The following MED13 variants were observed in gnomAD, a reference collection of about 807,000 sequenced individuals.
The protein encoded by MED13 is mediator of RNA polymerase II transcription subunit 13.
A neutral mutation model predicts 225.2 loss-of-function variants in MED13; 23 were observed. That is an observed-to-expected ratio of 0.10 (90% CI 0.07 to 0.14). The LOEUF (loss-of-function observed/expected upper bound fraction) is 0.14. MED13 is among the 10% of genes least tolerant of loss of function. The pLI, the probability that MED13 is intolerant of heterozygous loss-of-function variation, is 1.00. For missense variants in MED13, 2,197 were observed against 2,594.5 expected (o/e 0.85, Z 3.33); for synonymous variants, 942 against 889.2 (o/e 1.06, Z -1.06).
chr17:62,043,226 A>G (rs1039517311), intron 3 of MED13, among the ~76,000 whole-genome samples: 22 of 151,360 alleles, frequency 1.5e-4, no homozygotes, highest in Non-Finnish European at 2.2e-4. Flanking sequence ...GAAAACCTCA[A>G]CAAGGAGGAA....
rs898138189 is a variant in MED13, at chr17:62,020,682, T to A, written c.1283+8859A>T. ...GCGTGAGTCACTGCACCTGGCCTGC[T>A]TTCTTTTTTTTTTTTTTTTTTTTTA... On this transcript the variant is annotated intron_variant, in intron 8 of 29. Coordinates refer to ENST00000397786, the MANE Select transcript of MED13 (RefSeq NM_005121.3). 2.1e-5 allele frequency among the ~76,000 whole-genome samples: 3 copies of A among 144,892 alleles called. No individual in the cohort carries two copies. In the Admixed American group the frequency reaches 2.1e-4, roughly 10 times the overall value.
chr17:62,024,661 A>T (rs113731111), intron 8 of MED13, among the ~76,000 whole-genome samples: 3 of 152,140 alleles, frequency 2.0e-5, no homozygotes, highest in Non-Finnish European at 4.4e-5. Flanking sequence ...CTAGTATCCA[A>T]TAGTTATTTT....
In MED13 at chr17:62,029,620, A is replaced by G. The variant is rs2080735406; in HGVS notation, c.1204T>C (p.Cys402Arg). 18 of 1,614,110 alleles carry G rather than the reference A, an allele frequency of 1.1e-5. No homozygotes were observed. The highest frequency in any genetic ancestry group is 9.3e-6 in the Non-Finnish European group (11 of 1,179,974). ...ACTTTAGCAGCTGTCGCTTCTTCGC[A>G]TAGACCACCTGATGAAGCAGAATAC... ...RKYSASSGGL[C>R]EEATAAKVAS... The change falls in exon 8 of 30, where the codon TGC becomes CGC. Residue 402 changes from cysteine to arginine, a missense_variant. Cys to Arg is a radical substitution (Grantham distance 180, BLOSUM62 -3). Transcript: ENST00000397786.
intron 3 of MED13, among the ~76,000 whole-genome samples, chr17:62,037,955 C>CAAAAAAAAAAAAAAA (rs397857634): frequency 3.1e-5 from 2 of 64,760 alleles, no homozygotes; most frequent in African/African-American, 9.6e-5. Flanking sequence ...GACTTCATCT[C>CAAAAAAAAAAAAAAA]AAAAAAAAAA....
At chr17:61,971,722 C>A (rs1210611545) in intron 17 of MED13, among the ~76,000 whole-genome samples, 3 of 152,074 alleles carry the variant, frequency 2.0e-5, no homozygotes. Context: ...TCACCTGAGG[C>A]CAGGAGTTTG....
intron 9 of MED13, among the ~76,000 whole-genome samples, chr17:62,003,380 T>C (rs1603400513): frequency 6.6e-6 from 1 of 151,962 alleles, no homozygotes; most frequent in Non-Finnish European, 1.5e-5. Context: ...CTGAGGCAGG[T>C]GGATCACCTG....
At chr17:62,008,125 G>A (rs143726239) in intron 9 of MED13, among the ~76,000 whole-genome samples, 1,802 of 150,708 alleles carry the variant, frequency 0.012, 39 homozygotes, top group African/African-American at 0.041. Context: ...AGACCATCCT[G>A]GCTAACACGG....
intron 23 of MED13, among the ~76,000 whole-genome samples, chr17:61,959,095 C>T (rs2079975071): frequency 6.6e-6 from 1 of 152,078 alleles, no homozygotes; most frequent in African/African-American, 2.4e-5. Context: ...CCTCCGCCTC[C>T]TGGGTTCAAG....
intron 3 of MED13, among the ~76,000 whole-genome samples, chr17:62,044,904 T>C (rs1449188396): frequency 2.0e-5 from 3 of 152,232 alleles, no homozygotes; most frequent in Non-Finnish European, 4.4e-5. Flanking sequence ...TCAAGTGATC[T>C]GCCTGCCTTG....
In MED13 at chr17:61,955,855, T is replaced by TAAAA. The variant is rs61326861; in HGVS notation, c.5624-21_5624-18dup. The TAAAA allele has an allele frequency of 5.5e-4, 448 of 815,040 alleles. 2 individuals are homozygous for TAAAA. In the African/African-American group the frequency reaches 6.5e-3, roughly 12 times the overall value. The allele number at this position is 815,040 out of a possible 1,614,324, so 50.5% of individuals were successfully genotyped here. A position where few individuals can be genotyped will look rare whatever the true frequency, so the allele number is the denominator to read the frequency against. On this transcript the variant is annotated splice_polypyrimidine_tract_variant and intron_variant, in intron 24 of 29. Transcript: ENST00000397786. ...AGCTCCAATCTGTGGGTATCAACAG[T>TAAAA]AAAAAAAAAAAAAAAAAAAAAAAAA...
intron 28 of MED13, among the ~76,000 whole-genome samples, chr17:61,947,598 CA>C (rs1449050842): frequency 6.6e-6 from 1 of 152,126 alleles, no homozygotes; most frequent in African/African-American, 2.4e-5. Context: ...CAGGAATAAG[CA>C]TAAGCAAATA....
At chr17:62,014,290 G>A (rs1440384436) in intron 8 of MED13, among the ~76,000 whole-genome samples, 1 of 143,824 alleles carries the variant, frequency 7.0e-6, no homozygotes, top group Non-Finnish European at 1.5e-5. Context: ...CTATGATGAT[G>A]GGAAGTTCTG....
In MED13 at chr17:62,010,739, G is replaced by A. The variant is rs766817640; in HGVS notation, c.1778C>T (p.Ala593Val). 6.2e-7 allele frequency: 1 copy of A among 1,613,708 alleles called. No homozygotes were observed. Among genetic ancestry groups the A allele is most frequent in the Non-Finnish European group, 8.5e-7 (1 of 1,179,774 alleles). The change falls in exon 9 of 30, where the codon GCT becomes GTT. Residue 593 changes from alanine to valine, a missense_variant. Physicochemically the swap from Ala to Val is moderately conservative, Grantham distance 64 (BLOSUM62 0). Coordinates refer to ENST00000397786, the MANE Select transcript of MED13 (RefSeq NM_005121.3). ...ACCAACATATACTGTAGGTTCTACAGCTTCCTGATATTGAGGTGGGAAAGA... is the reference window on the plus strand; with the variant it reads ...ACCAACATATACTGTAGGTTCTACAACTTCCTGATATTGAGGTGGGAAAGA... ...SQSFPPQYQEAVEPTVYVGTA... is the reference protein window; with the variant it reads ...SQSFPPQYQEVVEPTVYVGTA...
At chr17:61,946,735 A>C in intron 29 of MED13, 135 bp from the exon 30 acceptor site, 5 of 1,188,554 alleles carry the variant, frequency 4.2e-6, no homozygotes, top group Non-Finnish European at 6.0e-6. Flanking sequence ...AGGGGAAAGA[A>C]GCAATTTCCA....
chr17:62,008,039 T>C (rs113030617), intron 9 of MED13, among the ~76,000 whole-genome samples: 20,152 of 117,092 alleles, frequency 0.17, 1,882 homozygotes, highest in East Asian at 0.56. Flanking sequence ...AAAAAAAAGC[T>C]GTGCGCAGTG....
chr17:62,036,278 A>G (rs1449611494), intron 3 of MED13, among the ~76,000 whole-genome samples: 3 of 152,114 alleles, frequency 2.0e-5, no homozygotes, highest in Non-Finnish European at 4.4e-5. Flanking sequence ...CCAACCAATA[A>G]CATTATTTTA....
chr17:62,014,331 T>TATATATATATATATATATATATA (rs1567978300), intron 8 of MED13, among the ~76,000 whole-genome samples: 1 of 149,402 alleles, frequency 6.7e-6, no homozygotes, highest in African/African-American at 2.5e-5. Context: ...TATATATATA[T>TATATATATATATATATATATATA]TTTGAGACAC....
chr17:62,030,060 T>C, intron 6 of MED13, 47 bp from the exon 7 acceptor site: 1 of 1,395,848 alleles, frequency 7.2e-7, no homozygotes, highest in Non-Finnish European at 9.4e-7. Flanking sequence ...AAAGGTAGGT[T>C]TAAAGTAACA....
chr17:61,964,655 G>A (rs2080038074), intron 20 of MED13, among the ~76,000 whole-genome samples: 4 of 152,272 alleles, frequency 2.6e-5, no homozygotes, highest in African/African-American at 9.6e-5. Flanking sequence ...AAGCAGCATG[G>A]CTGGGCGTGG....
Sources: allele counts gnomAD v4.1 joint callset (sites outside exome capture counted in the v4.1 genomes callset), GRCh38; gene constraint gnomAD v4.1.1; transcripts MANE v1.5; gene names NCBI Gene and HGNC (gene_info 2026-07-23, HGNC 2026-07-21).